Variants in GNAQ observed in about 807,000 individuals in gnomAD.
GNAQ encodes the protein G protein subunit alpha q.
GNAQ carries 8 observed loss-of-function variants against 43.9 expected under a neutral mutation model. That is an observed-to-expected ratio of 0.18 (90% CI 0.11 to 0.33). The LOEUF (loss-of-function observed/expected upper bound fraction) is 0.33, where lower values mean the gene tolerates loss of function less well. GNAQ is among the 10% of genes least tolerant of loss of function. GNAQ has a pLI of 1.00. For synonymous variants in GNAQ, 155 were observed against 170.7 expected, an observed-to-expected ratio of 0.91 and a Z score of 0.71; for missense variants, 158 against 450.8, an observed-to-expected ratio of 0.35 and a Z score of 5.88.
intron 5 of GNAQ, among the ~76,000 whole-genome samples, chr9:77,745,340 C>T (rs1825712511): frequency 6.6e-6 from 1 of 152,070 alleles, no homozygotes; most frequent in Non-Finnish European, 1.5e-5. Context: ...GAATACCAAA[C>T]CTTTGAAGAA....
Position 78,009,966 on chromosome 9 carries a change from T to A in GNAQ, c.136+21134A>T, listed in dbSNP as rs1587459479. On this transcript the variant is annotated intron_variant, in intron 1 of 6. Coordinates refer to ENST00000286548, the MANE Select transcript of GNAQ (RefSeq NM_002072.5). ...TGAAACAAACATGAACTGGTACTGG[T>A]AGAGAAAGTTATTGAGTGCCCTTTG... Among the ~76,000 whole-genome samples the A allele has an allele frequency of 3.9e-5, 6 of 152,282 alleles. No homozygotes were observed. In the South Asian group the frequency reaches 1.2e-3, roughly 32 times the overall value.
chr9:77,763,445 C>T (rs1162971745), intron 5 of GNAQ, among the ~76,000 whole-genome samples: 7 of 152,076 alleles, frequency 4.6e-5, no homozygotes, highest in African/African-American at 1.7e-4. Flanking sequence ...GGCAACATGG[C>T]AAGACCCCCA....
chr9:77,790,422 G>A (rs1329162885), intron 5 of GNAQ, among the ~76,000 whole-genome samples: 2 of 152,192 alleles, frequency 1.3e-5, no homozygotes, highest in African/African-American at 4.8e-5. Flanking sequence ...TTGCAGCTGA[G>A]TAACTTCAAA....
chr9:77,765,054 G>A (rs1459812234), intron 5 of GNAQ, among the ~76,000 whole-genome samples: 1 of 152,090 alleles, frequency 6.6e-6, no homozygotes, highest in Non-Finnish European at 1.5e-5. Flanking sequence ...TTTTATGCAA[G>A]TACTTCATGC....
At chr9:77,852,819 T>C (rs957626595) in intron 2 of GNAQ, among the ~76,000 whole-genome samples, 3 of 152,208 alleles carry the variant, frequency 2.0e-5, no homozygotes, top group African/African-American at 7.2e-5. Context: ...ATACTGTCTG[T>C]AATTATGAAG....
At chr9:78,026,822 T>G (rs1823985953) in intron 1 of GNAQ, among the ~76,000 whole-genome samples, 1 of 152,234 alleles carries the variant, frequency 6.6e-6, no homozygotes, top group Non-Finnish European at 1.5e-5. Context: ...TACAAATGCA[T>G]ATCCTTCATA....
chr9:77,747,443 T>G (rs949187489), intron 5 of GNAQ, among the ~76,000 whole-genome samples: 1 of 152,152 alleles, frequency 6.6e-6, no homozygotes, highest in African/African-American at 2.4e-5. Context: ...CAGTAAAAAG[T>G]AAGACTGGGA....
At chr9:77,773,046 T>A (rs1474752305) in intron 5 of GNAQ, among the ~76,000 whole-genome samples, 1 of 152,264 alleles carries the variant, frequency 6.6e-6, no homozygotes, top group East Asian at 1.9e-4. Context: ...ACAAGCTTGT[T>A]ATAAATATTA....
chr9:78,021,906 C>G (rs554784419), intron 1 of GNAQ, among the ~76,000 whole-genome samples: 1 of 152,352 alleles, frequency 6.6e-6, no homozygotes, highest in African/African-American at 2.4e-5. Flanking sequence ...CTGCGTCTCT[C>G]GGGCTCCACC....
intron 5 of GNAQ, among the ~76,000 whole-genome samples, chr9:77,770,610 A>C (rs1826209247): frequency 6.6e-6 from 1 of 152,242 alleles, no homozygotes; most frequent in Non-Finnish European, 1.5e-5. Flanking sequence ...CCTGTGAATC[A>C]TTTAGTCAGA....
At chr9:77,750,684 C>T (rs1825798904) in intron 5 of GNAQ, among the ~76,000 whole-genome samples, 1 of 152,132 alleles carries the variant, frequency 6.6e-6, no homozygotes, top group African/African-American at 2.4e-5. Flanking sequence ...CCCTCCCTCC[C>T]CTGAAATCAC....
chr9:77,947,731 AAAACAC>A (rs922485117), intron 1 of GNAQ, among the ~76,000 whole-genome samples: 2 of 152,206 alleles, frequency 1.3e-5, no homozygotes, highest in African/African-American at 4.8e-5. Flanking sequence ...GAACATTATT[AAAACAC>A]ACATTCTGAT....
At chr9:77,976,445 T>C (rs190051937) in intron 1 of GNAQ, among the ~76,000 whole-genome samples, 1,598 of 152,202 alleles carry the variant, frequency 0.01, 18 homozygotes, top group Non-Finnish European at 0.014. Context: ...CAGGCTGGAG[T>C]GCAATGGCAC....
At chr9:77,863,895 A>G (rs565672297) in intron 2 of GNAQ, among the ~76,000 whole-genome samples, 6 of 152,314 alleles carry the variant, frequency 3.9e-5, no homozygotes, top group African/African-American at 1.4e-4. Flanking sequence ...ACCTGCCGCC[A>G]TGATTCAATT....
At chr9:77,876,345 T>C (rs1051554029) in intron 2 of GNAQ, among the ~76,000 whole-genome samples, 3 of 152,232 alleles carry the variant, frequency 2.0e-5, no homozygotes, top group Admixed American at 2.0e-4. Context: ...GTTAACTTTC[T>C]AGCTCCAACT....
chr9:77,954,771 G>C (rs1268757056), intron 1 of GNAQ, among the ~76,000 whole-genome samples: 3 of 152,142 alleles, frequency 2.0e-5, no homozygotes, highest in South Asian at 2.1e-4. Flanking sequence ...CTGGCTAATG[G>C]CCTGGCAAAA....
chr9:77,809,816 T>C (rs544130891), intron 3 of GNAQ, among the ~76,000 whole-genome samples: 2 of 152,278 alleles, frequency 1.3e-5, no homozygotes, highest in East Asian at 3.9e-4. Context: ...ATGGTGTCCT[T>C]CTTACTGGTT....
At chr9:77,790,469 C>A (rs1267708607) in intron 5 of GNAQ, among the ~76,000 whole-genome samples, 1 of 152,080 alleles carries the variant, frequency 6.6e-6, no homozygotes, top group Non-Finnish European at 1.5e-5. Context: ...AGAGACGGAT[C>A]CAAAGGAAAT....
chr9:77,777,510 TAA>T (rs1357683336), intron 5 of GNAQ, among the ~76,000 whole-genome samples: 1 of 151,972 alleles, frequency 6.6e-6, no homozygotes, highest in East Asian at 1.9e-4. Context: ...TCACCAAAAT[TAA>T]AAGCCTTTGT....
Sources: allele counts gnomAD v4.1 joint callset (sites outside exome capture counted in the v4.1 genomes callset), GRCh38; gene constraint gnomAD v4.1.1; transcripts MANE v1.5; gene names NCBI Gene and HGNC (gene_info 2026-07-23, HGNC 2026-07-21).